Variants in UPK1B observed in about 807,000 individuals in gnomAD.
The protein encoded by UPK1B is uroplakin-1b.
Under a neutral mutation model 34.2 loss-of-function variants are expected in UPK1B, and 28 were observed. That is an observed-to-expected ratio of 0.82 (90% CI 0.61 to 1.12). The LOEUF is 1.12. Ranked by LOEUF, UPK1B falls within the 50% of genes most tolerant of loss-of-function variation. UPK1B has a pLI of 0.00. For missense variants in UPK1B, 325 were observed against 320.9 expected, an observed-to-expected ratio of 1.01 and a Z score of -0.10; for synonymous variants, 81 against 110.4, an observed-to-expected ratio of 0.73 and a Z score of 1.67.
Position 119,198,774 on chromosome 3 carries a change from G to A in UPK1B, c.649-283G>A, listed in dbSNP as rs543898458. ...TTTGAATTTATTGTCCACATATTCA[G>A]TATAGAAAGAGGGTTATGCTAAAAT... is the stretch of plus-strand genomic sequence containing the variant. On this transcript the variant is annotated intron_variant, in intron 6 of 7. Transcript: ENST00000264234. Among the ~76,000 whole-genome samples the A allele has an allele frequency of 3.3e-5, 5 of 152,316 alleles. No individual in the cohort carries two copies. In the South Asian group the frequency reaches 1.0e-3, roughly 32 times the overall value.
intron 7 of UPK1B, 70 bp downstream of exon 7, chr3:119,199,210 G>C: frequency 6.4e-7 from 1 of 1,554,202 alleles, no homozygotes; most frequent in Non-Finnish European, 8.8e-7. Flanking sequence ...AGTGCCACTG[G>C]TTACCTCAAC....
At chr3:119,193,070 C>A (rs1257287237) in intron 5 of UPK1B, among the ~76,000 whole-genome samples, 1 of 152,220 alleles carries the variant, frequency 6.6e-6, no homozygotes, top group Non-Finnish European at 1.5e-5. Flanking sequence ...ATAGCCAAGT[C>A]TCTGTCCTCA....
intron 5 of UPK1B, among the ~76,000 whole-genome samples, chr3:119,193,977 A>G (rs757207838): frequency 7.2e-5 from 11 of 152,222 alleles, no homozygotes; most frequent in Admixed American, 2.6e-4. Context: ...TTTAAGTAAC[A>G]TGTCAATGGC....
intron 1 of UPK1B, among the ~76,000 whole-genome samples, chr3:119,181,546 T>A (rs2077989809): frequency 6.6e-6 from 1 of 152,152 alleles, no homozygotes; most frequent in African/African-American, 2.4e-5. Flanking sequence ...CTTCTTGGGG[T>A]CACAAAACTA....
At position 119,203,900 on chromosome 3, in the gene UPK1B, GT is replaced by G. The variant is rs1222614086; in HGVS notation, c.733-10del. The G allele has an allele frequency of 2.5e-6, 4 of 1,612,850 alleles. No individual in the cohort carries two copies. The highest frequency in any genetic ancestry group is 3.4e-6 in the Non-Finnish European group (4 of 1,179,284). ...AACAATCCCTTGTTTATTTTTCCTT[GT>G]TTTTTTCTATTCCAGTTTTGGGTTC... On this transcript the variant is annotated splice_polypyrimidine_tract_variant and intron_variant, in intron 7 of 7. Transcript: ENST00000264234.
At position 119,188,014 on chromosome 3, in the gene UPK1B, C is replaced by T; in HGVS notation, c.270+39C>T. 4.4e-6 allele frequency: 7 copies of T among 1,595,444 alleles called. 1 individual carries two copies. The highest frequency in any genetic ancestry group is 5.2e-6 in the Non-Finnish European group (6 of 1,163,066). On this transcript the variant is annotated intron_variant, in intron 3 of 7. Transcript: ENST00000264234. ...ATTCTCTGGAGTTGTCTCCCTGAGC[C>T]AATTGTAATGGATTCTTTCTTCTTC...
chr3:119,201,920 T>C (rs1441541508), intron 7 of UPK1B, among the ~76,000 whole-genome samples: 4 of 152,220 alleles, frequency 2.6e-5, no homozygotes, highest in African/African-American at 9.6e-5. Context: ...GAAGTTTCTA[T>C]TTGTGCCATA....
At chr3:119,203,080 C>A (rs912965811) in intron 7 of UPK1B, among the ~76,000 whole-genome samples, 3 of 152,066 alleles carry the variant, frequency 2.0e-5, no homozygotes, top group Non-Finnish European at 2.9e-5. Flanking sequence ...TGGTGGCTCA[C>A]GCCTGTAATC....
chr3:119,203,355 A>AAAAACAAAAAC (rs1559905304), intron 7 of UPK1B, among the ~76,000 whole-genome samples: 16 of 147,650 alleles, frequency 1.1e-4, no homozygotes, highest in African/African-American at 2.8e-4. Context: ...AAAAAAAAAA[A>AAAAACAAAAAC]AAAAAAAAAA....
chr3:119,175,891 T>A (rs2077954698), intron 1 of UPK1B: 1 of 152,242 alleles, frequency 6.6e-6, no homozygotes, highest in East Asian at 1.9e-4. Flanking sequence ...TACTAACTAC[T>A]GTATTAGTCA....
chr3:119,191,960 C>T (rs1373131601), intron 5 of UPK1B, among the ~76,000 whole-genome samples: 1 of 152,170 alleles, frequency 6.6e-6, no homozygotes, highest in Non-Finnish European at 1.5e-5. Context: ...CAGTCATACT[C>T]CTGATATCCC....
intron 1 of UPK1B, among the ~76,000 whole-genome samples, chr3:119,183,941 A>G (rs1457014821): frequency 3.3e-5 from 5 of 152,102 alleles, no homozygotes; most frequent in Non-Finnish European, 7.3e-5. Flanking sequence ...GAGAATGCAT[A>G]GTGAAAAAGG....
rs757122527 is a variant in UPK1B at position 119,187,909 on chromosome 3, C to A, written c.204C>A (p.Cys68Ter). The A allele has an allele frequency of 6.2e-7, 1 of 1,614,122 alleles. No individual in the cohort carries two copies. Among genetic ancestry groups the A allele is most frequent in the Non-Finnish European group, 8.5e-7 (1 of 1,180,008 alleles). ...AAWIGIFVGICLFCLSVLGIV... is the reference protein window; with the variant it reads ...AAWIGIFVGI Reference sequence around the variant, plus strand: ...GGATCGGCATATTTGTGGGCATCTGCCTCTTCTGCCTGTCTGTTCTAGGCA... The same window carrying A: ...GGATCGGCATATTTGTGGGCATCTGACTCTTCTGCCTGTCTGTTCTAGGCA... The change falls in exon 3 of 8, where the codon TGC (cysteine) becomes TGA (stop). Residue 68 changes from cysteine to a stop codon, truncating the protein, a stop_gained. Coordinates refer to ENST00000264234, the MANE Select transcript of UPK1B (RefSeq NM_006952.4). LOFTEE classifies it high-confidence loss of function.
chr3:119,184,684 C>A (rs985492680), intron 1 of UPK1B, among the ~76,000 whole-genome samples: 3 of 152,058 alleles, frequency 2.0e-5, no homozygotes, highest in Admixed American at 2.0e-4. Context: ...CAAGATCGTG[C>A]CACTGCACTG....
chr3:119,199,225 C>G (rs2078080869), intron 7 of UPK1B, 85 bp downstream of exon 7: 5 of 1,438,034 alleles, frequency 3.5e-6, no homozygotes, highest in Admixed American at 1.9e-5. Context: ...CTCAACCACA[C>G]TAGAAAGTCT....
At chr3:119,203,301 A>C (rs1305164044) in intron 7 of UPK1B, among the ~76,000 whole-genome samples, 1 of 136,520 alleles carries the variant, frequency 7.3e-6, no homozygotes, top group African/African-American at 2.8e-5. Flanking sequence ...AGATCGCGCC[A>C]CTGCACTCCA....
intron 1 of UPK1B, among the ~76,000 whole-genome samples, chr3:119,186,103 G>A (rs1576868267): frequency 2.0e-5 from 3 of 152,318 alleles, no homozygotes; most frequent in African/African-American, 7.2e-5. Flanking sequence ...TGGGTTATGA[G>A]AATTAGATGC....
chr3:119,181,737 T>C (rs1370453614), intron 1 of UPK1B, among the ~76,000 whole-genome samples: 1 of 152,222 alleles, frequency 6.6e-6, no homozygotes. Flanking sequence ...AACAATTGAG[T>C]GCGCCTACTA....
intron 7 of UPK1B, 107 bp downstream of exon 7, chr3:119,199,247 C>G: frequency 1.5e-6 from 2 of 1,300,986 alleles, no homozygotes; most frequent in East Asian, 2.5e-5. Flanking sequence ...GAAACAAAAC[C>G]TCAGGCCTGA....
Sources: gnomAD v4.1 joint callset for allele counts (sites outside exome capture counted in the v4.1 genomes callset) on GRCh38, gnomAD v4.1.1 for gene constraint, MANE v1.5 for transcripts, NCBI Gene and HGNC (gene_info 2026-07-23, HGNC 2026-07-21) for gene names.